Variants in DLGAP1 observed in about 807,000 individuals in gnomAD.
DLGAP1 encodes the protein disks large-associated protein 1.
In DLGAP1, 11 loss-of-function variants were observed where a neutral mutation model predicts 90.8. That is an observed-to-expected ratio of 0.12 (90% CI 0.08 to 0.20). DLGAP1 has a LOEUF of 0.20. Among genes scored for constraint, DLGAP1 ranks in the 10% least tolerant of loss-of-function variants. The pLI, the probability that DLGAP1 is intolerant of heterozygous loss-of-function variation, is 1.00. For missense variants in DLGAP1, 1,050 were observed against 1,333.8 expected (o/e 0.79, Z 3.31); for synonymous variants, 558 against 540.7 (o/e 1.03, Z -0.44).
intron 1 of DLGAP1, among the ~76,000 whole-genome samples, chr18:4,191,050 A>T (rs2077389673): frequency 6.6e-6 from 1 of 152,138 alleles, no homozygotes; most frequent in Non-Finnish European, 1.5e-5. Context: ...TTCACTTCAC[A>T]TAAACCCTCT....
At chr18:3,987,567 CTATAT>C (rs530854879) in intron 3 of DLGAP1, among the ~76,000 whole-genome samples, 136 of 152,108 alleles carry the variant, frequency 8.9e-4, no homozygotes, top group African/African-American at 3.0e-3. Flanking sequence ...AGAACTATGC[CTATAT>C]TATAATTATT....
Position 3,977,434 on chromosome 18 carries a change from GTT to G in DLGAP1, c.-73+27680_-73+27681del, listed in dbSNP as rs58599574. ...AGTTAATGAATTATGTTTATTCTGT[GTT>G]TTTTTTTTTTTTTTTTTTGCTGAGT... On this transcript the variant is annotated intron_variant, in intron 3 of 12. Coordinates refer to ENST00000315677, the MANE Select transcript of DLGAP1 (RefSeq NM_004746.4). Among the ~76,000 whole-genome samples the G allele has an allele frequency of 1.8e-3, 171 of 95,336 alleles. 1 individual carries two copies. Among genetic ancestry groups the G allele is most frequent in the African/African-American group, 4.2e-3 (101 of 23,978 alleles). 62.5% of individuals were successfully genotyped at this position (95,336 alleles called of 152,430 possible). A position where few individuals can be genotyped will look rare whatever the true frequency, so the allele number is the denominator to read the frequency against.
chr18:3,502,143 T>C lies in DLGAP1; in HGVS notation c.2724+350A>G, dbSNP rs2049972704. The C allele has an allele frequency of 3.6e-6, 4 of 1,097,552 alleles. No individual in the cohort carries two copies. In the Admixed American group the frequency reaches 1.4e-4, roughly 38 times the overall value. 68.0% of individuals were successfully genotyped at this position (1,097,552 alleles called of 1,614,324 possible). A position where few individuals can be genotyped will look rare whatever the true frequency, so the allele number is the denominator to read the frequency against. The stretch of plus-strand genomic sequence containing the variant: ...GGGTGTAAGGAAGTTGAACTCTTGT[T>C]CTATGGATTCATGCACTGAAGATGT... On this transcript the variant is annotated intron_variant, in intron 12 of 12. Coordinates refer to ENST00000315677, the MANE Select transcript of DLGAP1 (RefSeq NM_004746.4).
chr18:3,714,639 GTTTT>G lies in DLGAP1; in HGVS notation c.1591+14492_1591+14495del, dbSNP rs869196557. Among the ~76,000 whole-genome samples the G allele has an allele frequency of 9.6e-3, 898 of 93,060 alleles. 10 individuals carry two copies. The highest frequency in any genetic ancestry group is 0.035 in the African/African-American group (864 of 24,532). 61.1% of individuals were successfully genotyped at this position (93,060 alleles called of 152,430 possible). A position where few individuals can be genotyped will look rare whatever the true frequency, so the allele number is the denominator to read the frequency against. Reference sequence around the variant, plus strand: ...TTTAAAAGAATTAGCTGATTACGTGGTTTTTTTTTTTTTTTTTTTTTTTTTAGAG... The same window carrying G: ...TTTAAAAGAATTAGCTGATTACGTGGTTTTTTTTTTTTTTTTTTTTTAGAG... On this transcript the variant is annotated intron_variant, in intron 7 of 12. Coordinates refer to ENST00000315677, the MANE Select transcript of DLGAP1 (RefSeq NM_004746.4).
At chr18:3,958,620 T>C (rs1256912665) in intron 3 of DLGAP1, among the ~76,000 whole-genome samples, 2 of 52,954 alleles carry the variant, frequency 3.8e-5, no homozygotes, top group South Asian at 1.1e-3. Flanking sequence ...TAATCCTCTT[T>C]ACAAAAAAAA....
intron 3 of DLGAP1, among the ~76,000 whole-genome samples, chr18:3,966,659 G>A (rs2073338685): frequency 6.6e-6 from 1 of 152,172 alleles, no homozygotes; most frequent in Non-Finnish European, 1.5e-5. Context: ...CTGATATATG[G>A]GGATGATATC....
rs371347204 is a variant in DLGAP1 at position 4,027,154 on chromosome 18, G to A, written c.-158-21953C>T. On this transcript the variant is annotated intron_variant, in intron 2 of 12. Transcript: ENST00000315677. ...AGCACAGAAATTTTGGAGGTTTTTGGTATATCCTAACATTTGATTTGTGTG... is the reference window on the plus strand; with the variant it reads ...AGCACAGAAATTTTGGAGGTTTTTGATATATCCTAACATTTGATTTGTGTG... 6.2e-4 allele frequency among the ~76,000 whole-genome samples: 94 copies of A among 152,134 alleles called. 1 individual carries two copies. In the South Asian group the frequency reaches 0.019, roughly 30 times the overall value.
intron 2 of DLGAP1, among the ~76,000 whole-genome samples, chr18:4,062,329 T>C (rs976639767): frequency 2.0e-5 from 3 of 152,246 alleles, no homozygotes; most frequent in Middle Eastern, 3.4e-3. Context: ...GCAATCAAAT[T>C]TGACTTATCA....
chr18:3,671,832 C>T (rs527566531), intron 7 of DLGAP1, among the ~76,000 whole-genome samples: 2 of 152,096 alleles, frequency 1.3e-5, no homozygotes, highest in Non-Finnish European at 2.9e-5. Context: ...GTAGTTTATT[C>T]TCAGCAGAGC....
intron 5 of DLGAP1, among the ~76,000 whole-genome samples, chr18:3,806,328 C>T (rs1156488903): frequency 6.6e-6 from 1 of 152,146 alleles, no homozygotes; most frequent in Admixed American, 6.5e-5. Context: ...ATTTTAACAC[C>T]GCCAGCCTCT....
rs1486297839 is a variant in DLGAP1, at chr18:3,682,130, AT to A, written c.1591+47004del. Among the ~76,000 whole-genome samples the A allele has an allele frequency of 8.0e-3, 906 of 113,602 alleles. 16 individuals are homozygous for A. Among genetic ancestry groups the A allele is most frequent in the African/African-American group, 0.042 (866 of 20,538 alleles). 74.5% of individuals were successfully genotyped at this position (113,602 alleles called of 152,430 possible). On this transcript the variant is annotated intron_variant, in intron 7 of 12. Transcript: ENST00000315677. The stretch of plus-strand genomic sequence containing the variant: ...AGACCCTGTCTCAAAAAAAAAAAAA[AT>A]AAAAAAAAATAAAAATAACGAACGA...
At chr18:4,335,170 A>G (rs573707238) in intron 1 of DLGAP1, among the ~76,000 whole-genome samples, 1 of 152,004 alleles carries the variant, frequency 6.6e-6, no homozygotes, top group Non-Finnish European at 1.5e-5. Flanking sequence ...AATTATCCCA[A>G]TAGGAGCATA....
chr18:4,198,931 C>T (rs1030699729), intron 1 of DLGAP1, among the ~76,000 whole-genome samples: 2 of 152,176 alleles, frequency 1.3e-5, no homozygotes, highest in African/African-American at 2.4e-5. Flanking sequence ...AAGCAGGCAT[C>T]GTAGTGAGAG....
intron 1 of DLGAP1, among the ~76,000 whole-genome samples, chr18:4,168,173 A>G (rs935569074): frequency 6.6e-6 from 1 of 152,194 alleles, no homozygotes; most frequent in African/African-American, 2.4e-5. Context: ...AACTCAATCT[A>G]CTTATATTCA....
chr18:4,375,189 T>C (rs182384287), intron 1 of DLGAP1, among the ~76,000 whole-genome samples: 94 of 152,292 alleles, frequency 6.2e-4, no homozygotes, highest in Non-Finnish European at 1.1e-3. Flanking sequence ...ACTGATTTGG[T>C]AGTTTTCACC....
At chr18:4,074,429 T>C (rs1158457955) in intron 2 of DLGAP1, among the ~76,000 whole-genome samples, 1 of 152,124 alleles carries the variant, frequency 6.6e-6, no homozygotes, top group East Asian at 1.9e-4. Flanking sequence ...GGAGAATCTA[T>C]TATTGCAGAA....
chr18:4,309,593 T>A (rs942680781), intron 1 of DLGAP1, among the ~76,000 whole-genome samples: 8 of 152,130 alleles, frequency 5.3e-5, no homozygotes, highest in African/African-American at 1.9e-4. Flanking sequence ...TAGCCCATTT[T>A]TTTTCTTCCT....
intron 2 of DLGAP1, among the ~76,000 whole-genome samples, chr18:4,096,981 C>T (rs548900425): frequency 5.3e-5 from 8 of 152,252 alleles, no homozygotes; most frequent in Middle Eastern, 3.4e-3. Context: ...AAGTGTTGGT[C>T]GGTATATTTT....
At chr18:3,777,433 T>C (rs912365878) in intron 5 of DLGAP1, among the ~76,000 whole-genome samples, 1 of 151,942 alleles carries the variant, frequency 6.6e-6, no homozygotes, top group Non-Finnish European at 1.5e-5. Context: ...GTAGATAATT[T>C]TATAAAAGTG....
Sources: gnomAD v4.1 joint callset for allele counts (sites outside exome capture counted in the v4.1 genomes callset) on GRCh38, gnomAD v4.1.1 for gene constraint, MANE v1.5 for transcripts, NCBI Gene and HGNC (gene_info 2026-07-23, HGNC 2026-07-21) for gene names.